The following PRKAG2 variants were observed in gnomAD, a reference collection of about 807,000 sequenced individuals.
PRKAG2 encodes 5'-AMP-activated protein kinase subunit gamma-2.
Under a neutral mutation model 69.6 loss-of-function variants are expected in PRKAG2, and 26 were observed. The observed-to-expected ratio is 0.37, with a 90% confidence interval of 0.27 to 0.52. The LOEUF (loss-of-function observed/expected upper bound fraction) is 0.52. Ranked by LOEUF, PRKAG2 falls within the 20% of genes least tolerant of loss-of-function variation. PRKAG2 has a pLI of 0.90. For synonymous variants in PRKAG2, 293 were observed against 285.0 expected (o/e 1.03, Z -0.28); for missense variants, 557 against 740.0 (o/e 0.75, Z 2.87).
At chr7:151,857,001 G>T (rs1355526923) in intron 1 of PRKAG2, among the ~76,000 whole-genome samples, 1 of 152,094 alleles carries the variant, frequency 6.6e-6, no homozygotes, top group Admixed American at 6.5e-5. Context: ...TTTCAGCTTT[G>T]TGTAAAAGGT....
chr7:151,560,309 C>T (rs920636156), intron 15 of PRKAG2: 2 of 1,459,892 alleles, frequency 1.4e-6, no homozygotes, highest in Non-Finnish European at 1.8e-6. Flanking sequence ...TGATAGGATG[C>T]TCTTAACTTC....
intron 1 of PRKAG2, among the ~76,000 whole-genome samples, chr7:151,787,255 T>G (rs1158381529): frequency 6.6e-6 from 1 of 152,220 alleles, no homozygotes; most frequent in Non-Finnish European, 1.5e-5. Context: ...ATTTTAAGTG[T>G]GCGGTTTGGT....
intron 1 of PRKAG2, among the ~76,000 whole-genome samples, chr7:151,803,686 G>C (rs1240999259): frequency 1.3e-5 from 2 of 151,612 alleles, no homozygotes; most frequent in African/African-American, 2.4e-5. Context: ...AGGACTCTGA[G>C]AGCAACGGCT....
intron 1 of PRKAG2, among the ~76,000 whole-genome samples, chr7:151,842,102 G>A (rs1216346966): frequency 1.3e-5 from 2 of 148,238 alleles, no homozygotes; most frequent in Non-Finnish European, 3.0e-5. Context: ...ATGGTAGGTA[G>A]GGATGGTAGT....
At chr7:151,572,756 GA>G (rs767550698) in intron 8 of PRKAG2, 47 bp from the exon 9 acceptor site, 5 of 1,154,098 alleles carry the variant, frequency 4.3e-6, no homozygotes, top group South Asian at 1.5e-5. Context: ...ATACAACATA[GA>G]AAAAATATTT....
At chr7:151,760,200 C>T (rs1452089450) in intron 3 of PRKAG2, among the ~76,000 whole-genome samples, 1 of 152,244 alleles carries the variant, frequency 6.6e-6, no homozygotes, top group South Asian at 2.1e-4. Flanking sequence ...TCTCCATCAG[C>T]CTGCTTTGCT....
At chr7:151,782,915 T>A (rs986262034) in intron 2 of PRKAG2, among the ~76,000 whole-genome samples, 1 of 152,180 alleles carries the variant, frequency 6.6e-6, no homozygotes, top group Non-Finnish European at 1.5e-5. Context: ...GAGTAACTCG[T>A]CCGCAGCGCT....
chr7:151,833,414 G>A (rs868233893), intron 1 of PRKAG2, among the ~76,000 whole-genome samples: 79 of 152,202 alleles, frequency 5.2e-4, no homozygotes, highest in African/African-American at 1.8e-3. Context: ...GCTGCTGAGC[G>A]GAGGAGGCCC....
At chr7:151,745,003 G>T (rs2074179777) in intron 3 of PRKAG2, among the ~76,000 whole-genome samples, 1 of 152,190 alleles carries the variant, frequency 6.6e-6, no homozygotes, top group Non-Finnish European at 1.5e-5. Context: ...TCAGTGATTT[G>T]CCCAGGATCC....
intron 1 of PRKAG2, among the ~76,000 whole-genome samples, chr7:151,851,312 TTTG>T (rs768755209): frequency 1.3e-5 from 2 of 151,614 alleles, no homozygotes; most frequent in Non-Finnish European, 2.9e-5. Context: ...GTTTTCCCAG[TTTG>T]AGACTGGCGA....
intron 3 of PRKAG2, among the ~76,000 whole-genome samples, chr7:151,769,001 C>T (rs1278726918): frequency 6.6e-6 from 1 of 152,232 alleles, no homozygotes; most frequent in Non-Finnish European, 1.5e-5. Flanking sequence ...CCCTGAGATG[C>T]TCCAAAGCTC....
intron 6 of PRKAG2, among the ~76,000 whole-genome samples, chr7:151,585,244 GAACGT>G (rs1207643538): frequency 6.6e-6 from 1 of 152,306 alleles, no homozygotes; most frequent in East Asian, 1.9e-4. Flanking sequence ...TCTACAGGTT[GAACGT>G]AAGTGATATA....
intron 4 of PRKAG2, among the ~76,000 whole-genome samples, chr7:151,646,178 T>C (rs1585466811): frequency 6.6e-6 from 1 of 152,226 alleles, no homozygotes; most frequent in Non-Finnish European, 1.5e-5. Flanking sequence ...CTGTGAGTCC[T>C]TTAAGTTCCT....
At chr7:151,682,786 AG>A (rs1402071441) in intron 3 of PRKAG2, among the ~76,000 whole-genome samples, 1 of 108,034 alleles carries the variant, frequency 9.3e-6, no homozygotes, top group East Asian at 2.9e-4. Context: ...CCAGGAAAGC[AG>A]GGGGGAGCTC....
rs528835056 is a variant in PRKAG2 at position 151,632,200 on chromosome 7, G to T, written c.685-62C>A. 482 of 1,175,170 alleles carry T rather than the reference G, an allele frequency of 4.1e-4. 1 individual carries two copies. The African/African-American group carries it at 6.9e-3, about 17-fold the overall frequency. The allele number at this position is 1,175,170 out of a possible 1,614,324, so 72.8% of individuals were successfully genotyped here. A position where few individuals can be genotyped will look rare whatever the true frequency, so the allele number is the denominator to read the frequency against. ...TGCGACGCTCGTCCCCGGCCGGCGG[G>T]CTCGCGGCCGGCCGAGCGCTGGGGC... is the stretch of plus-strand genomic sequence containing the variant. On this transcript the variant is annotated intron_variant, in intron 4 of 15. Coordinates refer to ENST00000287878, the MANE Select transcript of PRKAG2 (RefSeq NM_016203.4). This position sits in a 1 kb window ranked among gnomAD's most constrained non-coding sequence, Gnocchi z 4.2.
intron 1 of PRKAG2, among the ~76,000 whole-genome samples, chr7:151,849,014 G>C (rs1177881853): frequency 6.6e-6 from 1 of 152,210 alleles, no homozygotes; most frequent in Non-Finnish European, 1.5e-5. Flanking sequence ...CAGGACCTGG[G>C]TACTGCTCCA....
At position 151,756,218 on chromosome 7, in the gene PRKAG2, C is replaced by A. The variant is rs192833247; in HGVS notation, c.466+24934G>T. Among the ~76,000 whole-genome samples, 1 of 152,150 alleles carries A rather than the reference C, an allele frequency of 6.6e-6. No homozygotes were observed. Among genetic ancestry groups the A allele is most frequent in the Non-Finnish European group, 1.5e-5 (1 of 68,026 alleles). On this transcript the variant is annotated intron_variant, in intron 3 of 15. Coordinates refer to ENST00000287878, the MANE Select transcript of PRKAG2 (RefSeq NM_016203.4). This position sits in a 1 kb window ranked among gnomAD's most constrained non-coding sequence, Gnocchi z 4.9. ...TGAAAGTGAGGAGTAAAATGACTCA[C>A]GTACAGGTCATGTGAGCAATGCCCC...
chr7:151,773,500 A>G (rs1336423103), intron 3 of PRKAG2, among the ~76,000 whole-genome samples: 1 of 152,226 alleles, frequency 6.6e-6, no homozygotes, highest in Admixed American at 6.5e-5. Flanking sequence ...CTCGTGCCTC[A>G]GTTTCTAGTT....
At chr7:151,746,422 C>T (rs1032692865) in intron 3 of PRKAG2, among the ~76,000 whole-genome samples, 1 of 152,228 alleles carries the variant, frequency 6.6e-6, no homozygotes, top group African/African-American at 2.4e-5. Context: ...AACACAGGTT[C>T]ACCCATTGGC....
Sources: gnomAD v4.1 joint callset for allele counts (sites outside exome capture counted in the v4.1 genomes callset) on GRCh38, gnomAD v4.1.1 for gene constraint, Gnocchi (gnomAD v3.1) non-coding constraint, MANE v1.5 for transcripts, NCBI Gene and HGNC (gene_info 2026-07-23, HGNC 2026-07-21) for gene names.